The following PNPLA7 variants were observed in gnomAD, a reference collection of about 807,000 sequenced individuals.
PNPLA7 encodes the protein patatin-like phospholipase domain-containing protein 7.
In PNPLA7, 153 loss-of-function variants were observed where a neutral mutation model predicts 161.7. That is an observed-to-expected ratio of 0.95 (90% CI 0.83 to 1.08). The LOEUF (loss-of-function observed/expected upper bound fraction) is 1.08, where lower values mean the gene tolerates loss of function less well. PNPLA7 is among the 50% of genes least tolerant of loss of function. The pLI is 0.00. For synonymous variants in PNPLA7, 809 were observed against 782.1 expected (o/e 1.03, Z -0.57); for missense variants, 1,739 against 1,856.6 (o/e 0.94, Z 1.16).
chr9:137,527,042 G>A (rs113173459), intron 8 of PNPLA7, among the ~76,000 whole-genome samples: 3,409 of 152,202 alleles, frequency 0.022, 139 homozygotes, highest in African/African-American at 0.077. Flanking sequence ...GCCGAGGCAG[G>A]TAGATCACGA....
intron 11 of PNPLA7, among the ~76,000 whole-genome samples, chr9:137,517,105 T>A (rs1410498123): frequency 8.4e-5 from 9 of 107,716 alleles, no homozygotes; most frequent in Middle Eastern, 7.0e-3. Context: ...ACTCCATCCC[T>A]CACTCACTCA....
At chr9:137,485,722 G>A (rs1832447102) in intron 20 of PNPLA7, among the ~76,000 whole-genome samples, 1 of 152,234 alleles carries the variant, frequency 6.6e-6, no homozygotes, top group Non-Finnish European at 1.5e-5. Context: ...CGCGAGTGAG[G>A]GTGTCAAGGC....
At chr9:137,491,834 A>G (rs1260103255) in intron 20 of PNPLA7, 1 of 985,272 alleles carries the variant, frequency 1.0e-6, no homozygotes, top group Admixed American at 6.2e-5. Flanking sequence ...GGCAGGTGAC[A>G]GGTCATGCAA....
In PNPLA7 at chr9:137,535,678, G is replaced by A. The variant is rs1045882165; in HGVS notation, c.747+4964C>T. 4.6e-5 allele frequency among the ~76,000 whole-genome samples: 7 copies of A among 151,028 alleles called. 1 individual carries two copies. Among genetic ancestry groups the A allele is most frequent in the South Asian group, 4.2e-4 (2 of 4,736 alleles). ...TGAGGCAGGAGAATCGTTTGAACAC[G>A]GGAGGCAGGAGTTGCAGTGAGCTGA... is the stretch of plus-strand genomic sequence containing the variant. On this transcript the variant is annotated intron_variant, in intron 8 of 34. Coordinates refer to ENST00000406427, the MANE Select transcript of PNPLA7 (RefSeq NM_001098537.3).
At chr9:137,546,934 TGAGGTA>T (rs771711389) in intron 3 of PNPLA7, 25 bp from the exon 4 acceptor site, 1 of 1,610,240 alleles carries the variant, frequency 6.2e-7, no homozygotes, top group South Asian at 1.1e-5. Flanking sequence ...AGGGATGGCC[TGAGGTA>T]GAGCCGTGGC....
chr9:137,519,959 G>A lies in PNPLA7; in HGVS notation c.1042C>T (p.Arg348Trp), dbSNP rs138134441. 1,784 of 1,612,774 alleles carry A rather than the reference G, an allele frequency of 1.1e-3. 17 individuals are homozygous for A. In the African/African-American group the frequency reaches 0.021, roughly 19 times the overall value. Residue 348 changes from arginine to tryptophan, a missense_variant, in exon 11 of 35, where the codon CGG (arginine) becomes TGG (tryptophan). Coordinates refer to ENST00000406427, the MANE Select transcript of PNPLA7 (RefSeq NM_001098537.3). ...KKQVFYGEEE[R>W]LKKPPRLQES... Reference sequence around the variant, plus strand: ...TGGAGCCGCGGTGGCTTTTTAAGCCGCTCTTCTTCGCCATAGAACACCTGC... The same window carrying A: ...TGGAGCCGCGGTGGCTTTTTAAGCCACTCTTCTTCGCCATAGAACACCTGC...
intron 8 of PNPLA7, among the ~76,000 whole-genome samples, chr9:137,535,569 A>G (rs1835840372): frequency 6.6e-6 from 1 of 152,022 alleles, no homozygotes; most frequent in Non-Finnish European, 1.5e-5. Context: ...CCTGACCAAC[A>G]TGGTGAAACC....
At position 137,476,485 on chromosome 9, in the gene PNPLA7, G is replaced by T. The variant is rs2132122808; in HGVS notation, c.2882+1549C>A. 6.6e-6 allele frequency among the ~76,000 whole-genome samples: 1 copy of T among 151,990 alleles called. No homozygotes were observed. Among genetic ancestry groups the T allele is most frequent in the East Asian group, 1.9e-4 (1 of 5,178 alleles). On this transcript the variant is annotated intron_variant, in intron 25 of 34. Transcript: ENST00000406427. This position sits in a 1 kb window ranked among gnomAD's most constrained non-coding sequence, Gnocchi z 4.5. Reference sequence around the variant, plus strand: ...ACTCTGATTGCGGGTGTTGAAGGGGGTTAAGAAGTCAACAATCTAAAACTA... The same window carrying T: ...ACTCTGATTGCGGGTGTTGAAGGGGTTTAAGAAGTCAACAATCTAAAACTA...
intron 29 of PNPLA7, 190 bp downstream of exon 29, chr9:137,463,225 G>A (rs1831302622): frequency 4.9e-6 from 3 of 609,142 alleles, no homozygotes; most frequent in South Asian, 2.0e-5. Context: ...CGGTGCCTGC[G>A]TGTGCATGTA....
chr9:137,480,181 G>C, intron 23 of PNPLA7, 131 bp downstream of exon 23: 1 of 1,294,202 alleles, frequency 7.7e-7, no homozygotes, highest in Non-Finnish European at 1.1e-6. Flanking sequence ...ATGGGTAGCA[G>C]ATATCTGAGT....
intron 20 of PNPLA7, among the ~76,000 whole-genome samples, 199 bp downstream of exon 20, chr9:137,492,814 C>A (rs948654790): frequency 1.8e-5 from 2 of 112,530 alleles, no homozygotes; most frequent in Admixed American, 9.4e-5. Context: ...GCTGGGTGGG[C>A]TACGGCTCTG....
At chr9:137,532,294 G>A (rs1208824894) in intron 8 of PNPLA7, among the ~76,000 whole-genome samples, 2 of 152,014 alleles carry the variant, frequency 1.3e-5, no homozygotes, top group East Asian at 1.9e-4. Context: ...AATATTACAC[G>A]GGCATGCTGG....
At chr9:137,518,177 A>C (rs1396178526) in intron 11 of PNPLA7, among the ~76,000 whole-genome samples, 1 of 66,282 alleles carries the variant, frequency 1.5e-5, no homozygotes, top group African/African-American at 7.0e-5. Flanking sequence ...CACTCTGTCC[A>C]CTCCATCCCC....
At position 137,462,681 on chromosome 9, in the gene PNPLA7, C is replaced by G. The variant is rs767868155; in HGVS notation, c.3492+4G>C. 4 of 1,613,420 alleles carry G rather than the reference C, an allele frequency of 2.5e-6. No homozygotes were observed. Among genetic ancestry groups the G allele is most frequent in the Non-Finnish European group, 1.7e-6 (2 of 1,179,832 alleles). On this transcript the variant is annotated splice_donor_region_variant and intron_variant, in intron 30 of 34. Transcript: ENST00000406427. Reference sequence around the variant, plus strand: ...ACAGCCCAGCCTGCCCGGTAGCACCCCACCTTGACTTTCGTGGCCAAGGGG... The same window carrying G: ...ACAGCCCAGCCTGCCCGGTAGCACCGCACCTTGACTTTCGTGGCCAAGGGG...
intron 14 of PNPLA7, among the ~76,000 whole-genome samples, chr9:137,502,033 A>G (rs968982089): frequency 3.3e-5 from 5 of 152,254 alleles, no homozygotes; most frequent in Non-Finnish European, 1.5e-5. Context: ...CATTTTAGGG[A>G]GAAAGGGTGA....
chr9:137,497,360 C>G (rs1330020668), intron 17 of PNPLA7, 50 bp from the exon 18 acceptor site: 1 of 1,427,634 alleles, frequency 7.0e-7, no homozygotes, highest in Non-Finnish European at 9.3e-7. Context: ...GCCTCAGCCT[C>G]CACACCCAGC....
At chr9:137,513,392 C>T (rs961436344) in intron 12 of PNPLA7, among the ~76,000 whole-genome samples, 11 of 151,460 alleles carry the variant, frequency 7.3e-5, no homozygotes, top group Admixed American at 7.2e-4. Flanking sequence ...AGGAGAATCA[C>T]TTGGACCTGG....
At chr9:137,516,353 G>A (rs1391324405) in intron 11 of PNPLA7, 16 of 984,614 alleles carry the variant, frequency 1.6e-5, no homozygotes, top group South Asian at 4.7e-5. Flanking sequence ...CAGGCTGAAG[G>A]AGGCTGCCCT....
intron 1 of PNPLA7, among the ~76,000 whole-genome samples, chr9:137,549,233 A>T (rs1226064165): frequency 2.6e-5 from 4 of 152,130 alleles, no homozygotes; most frequent in African/African-American, 9.7e-5. Flanking sequence ...CTGTAATCCC[A>T]GCACTTTGGG....
Sources: gnomAD v4.1 joint callset for allele counts (sites outside exome capture counted in the v4.1 genomes callset) on GRCh38, gnomAD v4.1.1 for gene constraint, Gnocchi (gnomAD v3.1) non-coding constraint, MANE v1.5 for transcripts, NCBI Gene and HGNC (gene_info 2026-07-23, HGNC 2026-07-21) for gene names.